The following CNTNAP2 variants were observed in gnomAD, a reference collection of about 807,000 sequenced individuals.
CNTNAP2 encodes contactin-associated protein-like 2.
CNTNAP2 carries 98 observed loss-of-function variants against 155.2 expected under a neutral mutation model. That is an observed-to-expected ratio of 0.63 (90% confidence interval 0.54 to 0.75). CNTNAP2 has a LOEUF of 0.75. CNTNAP2 is among the 30% of genes least tolerant of loss of function. The pLI, the probability that CNTNAP2 is intolerant of heterozygous loss-of-function variation, is 0.00. For synonymous variants in CNTNAP2, 651 were observed against 631.2 expected (o/e 1.03, Z -0.47); for missense variants, 1,727 against 1,688.1 (o/e 1.02, Z -0.40).
chr7:146,820,888 T>C (rs1803267544), intron 2 of CNTNAP2, among the ~76,000 whole-genome samples: 3 of 152,236 alleles, frequency 2.0e-5, no homozygotes, highest in South Asian at 4.1e-4. Flanking sequence ...TTAGCTCTTC[T>C]TGTTGAATTG....
intron 1 of CNTNAP2, among the ~76,000 whole-genome samples, chr7:146,557,715 A>G (rs1554448433): frequency 6.6e-6 from 1 of 152,082 alleles, no homozygotes; most frequent in Non-Finnish European, 1.5e-5. Flanking sequence ...CTGATTAACC[A>G]TTTTCTAACT....
chr7:146,227,003 G>A (rs557051697), intron 1 of CNTNAP2, among the ~76,000 whole-genome samples: 3 of 152,072 alleles, frequency 2.0e-5, no homozygotes, highest in African/African-American at 7.2e-5. Flanking sequence ...CTAAATGAAT[G>A]AAAAAGGCAG....
chr7:147,463,789 G>A (rs560344602), intron 10 of CNTNAP2, among the ~76,000 whole-genome samples: 5 of 152,196 alleles, frequency 3.3e-5, no homozygotes, highest in Non-Finnish European at 7.4e-5. Context: ...AGGAAATTAG[G>A]TAAAATAGCA....
chr7:147,697,520 C>G (rs996731354), intron 13 of CNTNAP2, among the ~76,000 whole-genome samples: 1 of 152,130 alleles, frequency 6.6e-6, no homozygotes, highest in African/African-American at 2.4e-5. Context: ...CTAATTCAGT[C>G]TCCAACTATG....
intron 1 of CNTNAP2, among the ~76,000 whole-genome samples, chr7:146,190,069 A>T (rs1173984750): frequency 2.5e-5 from 2 of 78,596 alleles, no homozygotes; most frequent in Non-Finnish European, 5.3e-5. Context: ...GACTTATAAT[A>T]TGTCAGGTAA....
At chr7:147,748,248 T>G (rs1797077618) in intron 13 of CNTNAP2, among the ~76,000 whole-genome samples, 2 of 152,284 alleles carry the variant, frequency 1.3e-5, no homozygotes, top group South Asian at 4.1e-4. Flanking sequence ...AGAAGTTTTT[T>G]GAAGTAAAGA....
chr7:147,395,531 A>G (rs539255062), intron 9 of CNTNAP2, 78 bp from the exon 10 acceptor site: 27 of 1,391,712 alleles, frequency 1.9e-5, no homozygotes, highest in African/African-American at 2.8e-5. Flanking sequence ...GGCTGTGGCC[A>G]GGTAGAATAC....
chr7:148,075,997 G>A (rs1470381224), intron 15 of CNTNAP2, among the ~76,000 whole-genome samples: 1 of 152,092 alleles, frequency 6.6e-6, no homozygotes, highest in Admixed American at 6.5e-5. Context: ...GTCTTCATAG[G>A]TATTTAGACA....
intron 8 of CNTNAP2, among the ~76,000 whole-genome samples, chr7:147,171,295 C>G (rs1315692677): frequency 6.6e-6 from 1 of 152,152 alleles, no homozygotes; most frequent in Non-Finnish European, 1.5e-5. Flanking sequence ...CATCCACATT[C>G]GGTATTTTCT....
chr7:146,811,027 T>C (rs1281369693), intron 2 of CNTNAP2, among the ~76,000 whole-genome samples: 1 of 152,126 alleles, frequency 6.6e-6, no homozygotes, highest in Non-Finnish European at 1.5e-5. Context: ...ACTGTTTAGT[T>C]CACTTTTTCA....
intron 13 of CNTNAP2, among the ~76,000 whole-genome samples, chr7:147,903,316 T>A (rs1328799319): frequency 6.6e-6 from 1 of 152,214 alleles, no homozygotes; most frequent in Non-Finnish European, 1.5e-5. Context: ...CACTTTTTGA[T>A]GGGATTGTTT....
chr7:146,275,062 A>G (rs1344593927), intron 1 of CNTNAP2, among the ~76,000 whole-genome samples: 1 of 152,142 alleles, frequency 6.6e-6, no homozygotes, highest in African/African-American at 2.4e-5. Flanking sequence ...TGTTTTTGAC[A>G]TGGTGCATTT....
At chr7:146,218,838 G>A (rs1799159560) in intron 1 of CNTNAP2, among the ~76,000 whole-genome samples, 1 of 152,130 alleles carries the variant, frequency 6.6e-6, no homozygotes. Flanking sequence ...TAAGACATAA[G>A]TAATAAGAAG....
At chr7:147,969,087 A>T (rs1269778839) in intron 14 of CNTNAP2, among the ~76,000 whole-genome samples, 1 of 152,040 alleles carries the variant, frequency 6.6e-6, no homozygotes, top group Non-Finnish European at 1.5e-5. Context: ...GGTTTTGACA[A>T]AATGTCTTGC....
chr7:147,359,573 A>C (rs527918252), intron 9 of CNTNAP2, among the ~76,000 whole-genome samples: 1 of 152,202 alleles, frequency 6.6e-6, no homozygotes, highest in East Asian at 1.9e-4. Context: ...GGTCCTTGGA[A>C]TGTTTCTGAC....
intron 9 of CNTNAP2, among the ~76,000 whole-genome samples, chr7:147,309,048 C>T (rs952581521): frequency 6.6e-6 from 1 of 152,160 alleles, no homozygotes; most frequent in Non-Finnish European, 1.5e-5. Context: ...TATACTTCCA[C>T]CTTGAAAATA....
At chr7:146,182,893 A>T (rs542971411) in intron 1 of CNTNAP2, among the ~76,000 whole-genome samples, 2 of 152,128 alleles carry the variant, frequency 1.3e-5, no homozygotes, top group African/African-American at 4.8e-5. Context: ...CCAATTTTCT[A>T]TCTAGGTCCT....
At chr7:147,085,248 C>G (rs1800247691) in intron 4 of CNTNAP2, among the ~76,000 whole-genome samples, 1 of 152,096 alleles carries the variant, frequency 6.6e-6, no homozygotes, top group African/African-American at 2.4e-5. Flanking sequence ...GAAAACTGTA[C>G]TGTAGGTCAG....
chr7:147,420,243 A>G (rs10500187), intron 10 of CNTNAP2, among the ~76,000 whole-genome samples: 28,261 of 152,196 alleles, frequency 0.19, 3,148 homozygotes, highest in Non-Finnish European at 0.25. Context: ...TTGAGGTGTC[A>G]TAAAAAATAT....
Sources: allele counts gnomAD v4.1 joint callset (sites outside exome capture counted in the v4.1 genomes callset), GRCh38; gene constraint gnomAD v4.1.1; transcripts MANE v1.5; gene names NCBI Gene and HGNC (gene_info 2026-07-23, HGNC 2026-07-21).